Variants in CSMD3 observed in about 807,000 individuals in gnomAD.
CSMD3 encodes CUB and sushi domain-containing protein 3.
CSMD3 carries 177 observed loss-of-function variants against 435.2 expected under a neutral mutation model. The ratio of observed to expected loss-of-function variants is 0.41; its 90% CI spans 0.36 to 0.46. The LOEUF is 0.46. Ranked by LOEUF, CSMD3 falls within the 20% of genes least tolerant of loss-of-function variation. The pLI, the probability that CSMD3 is intolerant of heterozygous loss-of-function variation, is 0.34. For synonymous variants in CSMD3, 1,656 were observed against 1,520.5 expected, an observed-to-expected ratio of 1.09 and a Z score of -2.07; for missense variants, 4,265 against 4,504.6, an observed-to-expected ratio of 0.95 and a Z score of 1.52.
intron 59 of CSMD3, among the ~76,000 whole-genome samples, chr8:112,269,675 G>C (rs993109824): frequency 6.6e-6 from 1 of 151,940 alleles, no homozygotes; most frequent in Non-Finnish European, 1.5e-5. Flanking sequence ...AAAACATTTT[G>C]TACTGACAAA....
At chr8:113,187,910 T>G (rs1027006676) in intron 3 of CSMD3, among the ~76,000 whole-genome samples, 1 of 152,014 alleles carries the variant, frequency 6.6e-6, no homozygotes, top group African/African-American at 2.4e-5. Flanking sequence ...AGCCACATGC[T>G]CTATTTCTGT....
chr8:112,979,227 A>C (rs1275704069), intron 6 of CSMD3, among the ~76,000 whole-genome samples: 2 of 151,812 alleles, frequency 1.3e-5, no homozygotes, highest in Non-Finnish European at 3.0e-5. Context: ...TTAAAAGGGG[A>C]TATATGTCAT....
At chr8:112,852,181 G>A (rs1356522513) in intron 11 of CSMD3, among the ~76,000 whole-genome samples, 1 of 152,118 alleles carries the variant, frequency 6.6e-6, no homozygotes, top group Non-Finnish European at 1.5e-5. Context: ...ATGGACACAT[G>A]GGTAGAAAAC....
chr8:113,066,296 A>C (rs2088856710), intron 5 of CSMD3, among the ~76,000 whole-genome samples: 1 of 152,046 alleles, frequency 6.6e-6, no homozygotes, highest in Admixed American at 6.6e-5. Flanking sequence ...ACAAAGAGAA[A>C]AAGTGTTTTT....
At chr8:113,140,805 G>T (rs2091530076) in intron 4 of CSMD3, among the ~76,000 whole-genome samples, 1 of 150,834 alleles carries the variant, frequency 6.6e-6, no homozygotes, top group South Asian at 2.1e-4. Flanking sequence ...TATAAAAGAG[G>T]AAAGTCTCAA....
At chr8:113,356,940 T>G (rs1430981192) in intron 1 of CSMD3, among the ~76,000 whole-genome samples, 1 of 152,164 alleles carries the variant, frequency 6.6e-6, no homozygotes, top group Non-Finnish European at 1.5e-5. Flanking sequence ...GTTATATTGT[T>G]AGCTCTACAG....
At chr8:112,990,337 A>G (rs922247038) in intron 6 of CSMD3, among the ~76,000 whole-genome samples, 5 of 151,988 alleles carry the variant, frequency 3.3e-5, no homozygotes, top group African/African-American at 1.2e-4. Context: ...CGAGCAAAAA[A>G]GCATCTTGCC....
intron 3 of CSMD3, among the ~76,000 whole-genome samples, chr8:113,223,865 T>A (rs2092997498): frequency 1.3e-5 from 2 of 150,748 alleles, no homozygotes; most frequent in Non-Finnish European, 3.0e-5. Flanking sequence ...ATAATATTAT[T>A]TCCAGCTACT....
intron 4 of CSMD3, among the ~76,000 whole-genome samples, chr8:113,133,285 C>A (rs985975666): frequency 2.6e-5 from 4 of 152,002 alleles, no homozygotes; most frequent in Admixed American, 6.6e-5. Flanking sequence ...AGGTTATATA[C>A]AAATAGCCAA....
At chr8:112,612,830 G>C (rs1211926044) in intron 22 of CSMD3, among the ~76,000 whole-genome samples, 2 of 146,532 alleles carry the variant, frequency 1.4e-5, no homozygotes, top group African/African-American at 2.5e-5. Flanking sequence ...TGAGCCTCTA[G>C]TCTCAGCTTC....
intron 13 of CSMD3, among the ~76,000 whole-genome samples, chr8:112,696,891 C>T (rs2076268951): frequency 6.6e-6 from 1 of 152,116 alleles, no homozygotes; most frequent in Non-Finnish European, 1.5e-5. Context: ...AAAAAACAAA[C>T]AACCCCATCA....
At chr8:112,458,931 A>G (rs1817140058) in intron 32 of CSMD3, among the ~76,000 whole-genome samples, 1 of 152,068 alleles carries the variant, frequency 6.6e-6, no homozygotes, top group African/African-American at 2.4e-5. Flanking sequence ...ACCATGAATT[A>G]CACTAGAATA....
intron 10 of CSMD3, among the ~76,000 whole-genome samples, chr8:112,889,026 T>C (rs1262519405): frequency 2.0e-5 from 3 of 151,672 alleles, no homozygotes; most frequent in South Asian, 2.1e-4. Flanking sequence ...GAAAGTTAAA[T>C]CATTTAGAAA....
At chr8:113,279,249 C>T (rs1387829786) in intron 2 of CSMD3, among the ~76,000 whole-genome samples, 6 of 144,888 alleles carry the variant, frequency 4.1e-5, no homozygotes, top group Non-Finnish European at 6.1e-5. Flanking sequence ...TACAAGAGAC[C>T]GAGAAGAATT....
intron 4 of CSMD3, among the ~76,000 whole-genome samples, chr8:113,141,550 C>T (rs2131732278): frequency 6.6e-6 from 1 of 150,910 alleles, no homozygotes; most frequent in East Asian, 2.0e-4. Context: ...CATTATAATT[C>T]ACCATATTTA....
intron 11 of CSMD3, among the ~76,000 whole-genome samples, chr8:112,830,029 C>T (rs929244125): frequency 3.3e-5 from 5 of 151,924 alleles, no homozygotes; most frequent in African/African-American, 1.2e-4. Context: ...ATGACTTTTA[C>T]TTGCTGTATT....
intron 24 of CSMD3, among the ~76,000 whole-genome samples, chr8:112,568,633 G>A (rs1320620543): frequency 6.6e-6 from 1 of 151,962 alleles, no homozygotes; most frequent in Non-Finnish European, 1.5e-5. Context: ...TGTCTAGTGT[G>A]GTATGGTATT....
At chr8:112,228,732 G>C (rs746471433) in intron 70 of CSMD3, 24 bp downstream of exon 70, 1 of 1,589,316 alleles carries the variant, frequency 6.3e-7, no homozygotes, top group Non-Finnish European at 8.6e-7. Context: ...GAAACATTTT[G>C]TAGTTAAAAA....
chr8:112,534,329 T>G (rs1455078842), intron 27 of CSMD3, among the ~76,000 whole-genome samples: 1 of 152,014 alleles, frequency 6.6e-6, no homozygotes, highest in East Asian at 1.9e-4. Context: ...CAATAAAAAA[T>G]GATAAAGGGG....
Sources: gnomAD v4.1 joint callset for allele counts (sites outside exome capture counted in the v4.1 genomes callset) on GRCh38, gnomAD v4.1.1 for gene constraint, MANE v1.5 for transcripts, NCBI Gene and HGNC (gene_info 2026-07-23, HGNC 2026-07-21) for gene names.